The following TBL1XR1 variants were observed in gnomAD, a reference collection of about 807,000 sequenced individuals.
The protein encoded by TBL1XR1 is F-box-like/WD repeat-containing protein TBL1XR1.
Under a neutral mutation model 66.9 loss-of-function variants are expected in TBL1XR1, and 5 were observed. That is an observed-to-expected ratio of 0.07 (90% CI 0.04 to 0.16). The LOEUF is 0.16. TBL1XR1 is among the 10% of genes least tolerant of loss of function. The probability of loss-of-function intolerance (pLI) is 1.00; values close to 1 mark genes in which losing one functional copy is unlikely to be tolerated. For synonymous variants in TBL1XR1, 210 were observed against 206.0 expected (o/e 1.02, Z -0.17); for missense variants, 238 against 623.2 (o/e 0.38, Z 6.58).
intron 2 of TBL1XR1, among the ~76,000 whole-genome samples, chr3:177,081,854 T>C (rs1209617309): frequency 6.6e-6 from 1 of 152,018 alleles, no homozygotes; most frequent in Non-Finnish European, 1.5e-5. Flanking sequence ...ATATATAATA[T>C]ACAATATAAA....
chr3:177,163,715 G>C (rs2108898093), intron 1 of TBL1XR1, among the ~76,000 whole-genome samples: 1 of 152,208 alleles, frequency 6.6e-6, no homozygotes, highest in East Asian at 1.9e-4. Context: ...ACAGTGGTTA[G>C]CTCTAGGAAA....
At chr3:177,058,832 A>G (rs929785140) in intron 3 of TBL1XR1, among the ~76,000 whole-genome samples, 5 of 152,228 alleles carry the variant, frequency 3.3e-5, no homozygotes, top group Non-Finnish European at 5.9e-5. Context: ...TGTCCCTTTG[A>G]TAAGTGTGCT....
intron 1 of TBL1XR1, chr3:177,195,547 A>C (rs1348160511): frequency 1.3e-5 from 2 of 151,772 alleles, no homozygotes; most frequent in East Asian, 3.8e-4. Flanking sequence ...ACACTGGAAA[A>C]CCCAAACAGT....
At chr3:177,081,266 A>G (rs996341318) in intron 2 of TBL1XR1, among the ~76,000 whole-genome samples, 2 of 152,238 alleles carry the variant, frequency 1.3e-5, no homozygotes, top group African/African-American at 4.8e-5. Flanking sequence ...GAAATCTTTG[A>G]AACAAAACTT....
chr3:177,163,551 T>C (rs1477661857), intron 1 of TBL1XR1, among the ~76,000 whole-genome samples: 2 of 150,232 alleles, frequency 1.3e-5, no homozygotes, highest in Non-Finnish European at 3.0e-5. Context: ...TGTGAGAAGA[T>C]GTAAAATATA....
intron 1 of TBL1XR1, among the ~76,000 whole-genome samples, chr3:177,101,386 T>A (rs1724194859): frequency 6.6e-6 from 1 of 152,194 alleles, no homozygotes; most frequent in Non-Finnish European, 1.5e-5. Flanking sequence ...TAAACACAAG[T>A]GAATACATGC....
chr3:177,133,156 G>A (rs142619986), intron 1 of TBL1XR1, among the ~76,000 whole-genome samples: 5,605 of 151,984 alleles, frequency 0.037, 201 homozygotes, highest in African/African-American at 0.083. Flanking sequence ...GCATGGTGGC[G>A]CACATCTGTA....
At chr3:177,191,217 C>T (rs950937514) in intron 1 of TBL1XR1, among the ~76,000 whole-genome samples, 1 of 152,136 alleles carries the variant, frequency 6.6e-6, no homozygotes, top group Non-Finnish European at 1.5e-5. Flanking sequence ...AAAGAGAATC[C>T]ATTATGGGTT....
intron 1 of TBL1XR1, among the ~76,000 whole-genome samples, chr3:177,183,140 G>A (rs920187717): frequency 2.0e-5 from 3 of 152,108 alleles, no homozygotes; most frequent in Admixed American, 6.6e-5. Context: ...TCCATGCTCT[G>A]TCATTCAGAA....
intron 1 of TBL1XR1, among the ~76,000 whole-genome samples, chr3:177,139,867 AC>A (rs1729440819): frequency 6.6e-6 from 1 of 152,188 alleles, no homozygotes; most frequent in Non-Finnish European, 1.5e-5. Context: ...ACCTGTAGTA[AC>A]TGGAGTCTCA....
chr3:177,058,533 A>G (rs1424653734), intron 3 of TBL1XR1, among the ~76,000 whole-genome samples: 1 of 152,226 alleles, frequency 6.6e-6, no homozygotes, highest in Non-Finnish European at 1.5e-5. Flanking sequence ...GGACCTTCGA[A>G]CTTTTCCAAT....
chr3:177,123,743 C>G lies in TBL1XR1; in HGVS notation c.-121-25202G>C, dbSNP rs59120067. On this transcript the variant is annotated intron_variant, in intron 1 of 15. Coordinates refer to ENST00000457928, the MANE Select transcript of TBL1XR1 (RefSeq NM_024665.7). ...CCTTAAAACATATGATTCAAACATA[C>G]CCATCAAAAAGTACAAATACGCACT... is the stretch of plus-strand genomic sequence containing the variant. 2.0e-5 allele frequency among the ~76,000 whole-genome samples: 3 copies of G among 152,088 alleles called. No homozygotes were observed. In the South Asian group the frequency reaches 6.2e-4, roughly 32 times the overall value.
chr3:177,113,481 A>T (rs1018904623), intron 1 of TBL1XR1, among the ~76,000 whole-genome samples: 1 of 152,208 alleles, frequency 6.6e-6, no homozygotes, highest in Non-Finnish European at 1.5e-5. Context: ...GACAAATAAT[A>T]TCTAAAAGAA....
intron 3 of TBL1XR1, among the ~76,000 whole-genome samples, chr3:177,063,061 C>T (rs909101793): frequency 1.3e-5 from 2 of 151,680 alleles, no homozygotes; most frequent in African/African-American, 2.4e-5. Flanking sequence ...TTGAACCCGC[C>T]GCCGAGATCA....
chr3:177,053,623 C>A, intron 4 of TBL1XR1, 150 bp downstream of exon 4: 1 of 714,702 alleles, frequency 1.4e-6, no homozygotes, highest in South Asian at 1.9e-5. Flanking sequence ...CTTGCCGGTG[C>A]AACCTGACTA....
At chr3:177,180,550 T>C (rs1734698527) in intron 1 of TBL1XR1, among the ~76,000 whole-genome samples, 1 of 152,254 alleles carries the variant, frequency 6.6e-6, no homozygotes, top group East Asian at 1.9e-4. Context: ...GCAATCATTT[T>C]AAGTTCAAAG....
intron 1 of TBL1XR1, among the ~76,000 whole-genome samples, chr3:177,175,264 T>C (rs777820577): frequency 6.6e-5 from 10 of 152,170 alleles, no homozygotes; most frequent in African/African-American, 1.9e-4. Context: ...TGCTGAAGAA[T>C]TGGCTTTGAC....
chr3:177,179,049 G>A (rs1020315979), intron 1 of TBL1XR1, among the ~76,000 whole-genome samples: 1 of 149,810 alleles, frequency 6.7e-6, no homozygotes, highest in African/African-American at 2.5e-5. Flanking sequence ...GCCGGGAGGT[G>A]GCAATTGCAG....
intron 1 of TBL1XR1, among the ~76,000 whole-genome samples, chr3:177,116,468 T>C (rs984606093): frequency 2.6e-5 from 4 of 152,242 alleles, no homozygotes; most frequent in African/African-American, 9.6e-5. Flanking sequence ...TAGCAGACTT[T>C]GGAAATGCTG....
Sources: allele counts gnomAD v4.1 joint callset (sites outside exome capture counted in the v4.1 genomes callset), GRCh38; gene constraint gnomAD v4.1.1; transcripts MANE v1.5; gene names NCBI Gene and HGNC (gene_info 2026-07-23, HGNC 2026-07-21).